Variants in LMNA observed in about 807,000 individuals in gnomAD.
LMNA encodes lamin A/C, also known as lamin.
In LMNA, 20 loss-of-function variants were observed where a neutral mutation model predicts 70.4. That is an observed-to-expected ratio of 0.28 (90% confidence interval 0.20 to 0.41). The LOEUF (loss-of-function observed/expected upper bound fraction) is 0.41. Among genes scored for constraint, LMNA ranks in the 10% least tolerant of loss-of-function variants. The probability of loss-of-function intolerance (pLI) is 1.00; values close to 1 mark genes in which losing one functional copy is unlikely to be tolerated. For synonymous variants in LMNA, 339 were observed against 372.8 expected, an observed-to-expected ratio of 0.91 and a Z score of 1.04; for missense variants, 652 against 917.2, an observed-to-expected ratio of 0.71 and a Z score of 3.73.
intron 3 of LMNA, among the ~76,000 whole-genome samples, chr1:156,093,299 ATTTTTTTTTTTTT>A (rs758670532): frequency 1.8e-5 from 2 of 113,946 alleles, no homozygotes; most frequent in South Asian, 2.7e-4. Flanking sequence ...TTATATGTCA[ATTTTTTTTTTTTT>A]TTTTTTTTTT....
In LMNA at chr1:156,137,026, A is replaced by T. The variant is rs1651703465; in HGVS notation, c.1486A>T (p.Thr496Ser). Reference protein sequence around the residue: ...KFTLKAGQVVTIWAAGAGATH... With the variant: ...KFTLKAGQVVSIWAAGAGATH... The stretch of plus-strand genomic sequence containing the variant: ...CACCCTGAAGGCTGGGCAGGTGGTG[A>T]CGGTGAGTGGCAGGGCGCTTGGGAC... Residue 496 changes from threonine to serine, a missense_variant and splice_region_variant, in exon 8 of 12, where the codon ACG becomes TCG. Transcript: ENST00000368300. This position sits in a 1 kb window ranked among gnomAD's most constrained non-coding sequence, Gnocchi z 4.6. 3.1e-6 allele frequency: 5 copies of T among 1,614,150 alleles called. No individual in the cohort carries two copies. The East Asian group carries it at 1.1e-4, about 36-fold the overall frequency.
At chr1:156,127,509 G>GTT (rs1170940332) in intron 1 of LMNA, among the ~76,000 whole-genome samples, 1,387 of 84,490 alleles carry the variant, frequency 0.016, 217 homozygotes, top group Admixed American at 0.023. Context: ...CCCCCTTACT[G>GTT]TTTTTTTTTT....
At chr1:156,100,295 C>T (rs1649097580) in intron 3 of LMNA, among the ~76,000 whole-genome samples, 1 of 152,144 alleles carries the variant, frequency 6.6e-6, no homozygotes, top group Admixed American at 6.5e-5. Flanking sequence ...TTGTTCCTTC[C>T]CTTGAAAAAC....
rs1453876156 is a variant in LMNA, at chr1:156,117,770, T to C, written c.356+2496T>C. Among the ~76,000 whole-genome samples the C allele has an allele frequency of 2.6e-5, 4 of 152,154 alleles. No individual in the cohort carries two copies. In the East Asian group the frequency reaches 5.8e-4, roughly 22 times the overall value. On this transcript the variant is annotated intron_variant, in intron 1 of 11. Coordinates refer to ENST00000368300, the MANE Select transcript of LMNA (RefSeq NM_170707.4). ...TCTTGAACTCCTGGGTTCATTCTGCTGAAAGAGACCACACCTGTCCTTTTC... is the reference window on the plus strand; with the variant it reads ...TCTTGAACTCCTGGGTTCATTCTGCCGAAAGAGACCACACCTGTCCTTTTC...
chr1:156,101,738 C>T (rs529699023), intron 3 of LMNA, among the ~76,000 whole-genome samples: 1 of 152,040 alleles, frequency 6.6e-6, no homozygotes, highest in Non-Finnish European at 1.5e-5. Flanking sequence ...GGCAGAGAGA[C>T]TGGTTGTGAG....
chr1:156,127,410 G>A (rs554735379), intron 1 of LMNA, among the ~76,000 whole-genome samples: 5 of 151,288 alleles, frequency 3.3e-5, no homozygotes, highest in African/African-American at 4.9e-5. Flanking sequence ...TCTGCTCGTG[G>A]TTTTTCTCAT....
At chr1:156,098,207 G>C (rs1012613709) in intron 3 of LMNA, among the ~76,000 whole-genome samples, 1 of 152,218 alleles carries the variant, frequency 6.6e-6, no homozygotes, top group Non-Finnish European at 1.5e-5. Flanking sequence ...ATGGAGGTTG[G>C]AAAGACCTTA....
intron 1 of LMNA, among the ~76,000 whole-genome samples, chr1:156,117,969 A>ATTTTT (rs1186679791): frequency 1.1e-4 from 10 of 91,894 alleles, no homozygotes; most frequent in African/African-American, 2.2e-4. Flanking sequence ...CGCTTGGCTA[A>ATTTTT]TTTTTTTTTT....
At position 156,138,702 on chromosome 1, in the gene LMNA, G is replaced by C; in HGVS notation, c.1913G>C (p.Gly638Ala). 6.2e-7 allele frequency: 1 copy of C among 1,613,354 alleles called. No individual in the cohort carries two copies. The highest frequency in any genetic ancestry group is 1.3e-5 in the African/African-American group (1 of 74,938). Reference sequence around the variant, plus strand: ...GGGGGCAGTGGGGGTGGCAGCTTCGGGGACAATCTGGTCACCCGCTCCTAC... The same window carrying C: ...GGGGGCAGTGGGGGTGGCAGCTTCGCGGACAATCTGGTCACCCGCTCCTAC... ...SVGGSGGGSFGDNLVTRSYLL... is the reference protein window; with the variant it reads ...SVGGSGGGSFADNLVTRSYLL... Residue 638 changes from glycine (G) to alanine (A), a missense_variant, in exon 11 of 12, where the codon GGG (glycine) becomes GCG (alanine). Physicochemically the swap from Gly to Ala is moderately conservative, Grantham distance 60. Transcript: ENST00000368300. This position sits in a 1 kb window ranked among gnomAD's most constrained non-coding sequence, Gnocchi z 5.5.
chr1:156,138,145 G>C lies in LMNA; in HGVS notation c.1699-343G>C. 3 of 532,502 alleles carry C rather than the reference G, an allele frequency of 5.6e-6. No individual in the cohort carries two copies. Among genetic ancestry groups the C allele is most frequent in the Non-Finnish European group, 1.0e-5 (3 of 295,546 alleles). 33.0% of individuals were successfully genotyped at this position (532,502 alleles called of 1,614,324 possible). A position where few individuals can be genotyped will look rare whatever the true frequency, so the allele number is the denominator to read the frequency against. ...TGCAAGAATGTTCTCTCTCATTCCT[G>C]ACCGCCCCTCCACTCCAATTAATAG... On this transcript the variant is annotated intron_variant, in intron 10 of 11. Transcript: ENST00000368300. This position sits in a 1 kb window ranked among gnomAD's most constrained non-coding sequence, Gnocchi z 5.5.
chr1:156,115,374 G>C lies in LMNA; in HGVS notation c.356+100G>C. On this transcript the variant is annotated intron_variant, in intron 1 of 11. Coordinates refer to ENST00000368300, the MANE Select transcript of LMNA (RefSeq NM_170707.4). This position sits in a 1 kb window ranked among gnomAD's most constrained non-coding sequence, Gnocchi z 5.8. ...AGGAAGGGAGTGAGAGGGCCTGGAG[G>C]CCGATAACTTTGCCATAGTCTCCTC... The C allele has an allele frequency of 9.0e-7, 1 of 1,105,472 alleles. No individual in the cohort carries two copies. The allele number at this position is 1,105,472 out of a possible 1,614,324, so 68.5% of individuals were successfully genotyped here. A position where few individuals can be genotyped will look rare whatever the true frequency, so the allele number is the denominator to read the frequency against.
At chr1:156,108,045 G>A (rs1374680055) in intron 3 of LMNA, among the ~76,000 whole-genome samples, 3 of 152,058 alleles carry the variant, frequency 2.0e-5, no homozygotes, top group African/African-American at 7.2e-5. Flanking sequence ...GAGATTACAG[G>A]TGTGAGCCAC....
Position 156,139,076 on chromosome 1 carries a change from T to C in LMNA, c.1969-4T>C, listed in dbSNP as rs751715969. ...ACACCTCTCTCCTCTGTTTTCTCTC[T>C]TAGAGCCCCCAGAACTGCAGCATCA... On this transcript the variant is annotated splice_polypyrimidine_tract_variant and splice_region_variant and intron_variant, in intron 11 of 11. Coordinates refer to ENST00000368300, the MANE Select transcript of LMNA (RefSeq NM_170707.4). 5.6e-6 allele frequency: 9 copies of C among 1,613,766 alleles called. No homozygotes were observed. Among genetic ancestry groups the C allele is most frequent in the Non-Finnish European group, 7.6e-6 (9 of 1,179,912 alleles).
chr1:156,126,510 C>G, intron 1 of LMNA: 2 of 682,654 alleles, frequency 2.9e-6, no homozygotes, highest in Non-Finnish European at 5.4e-6. Flanking sequence ...GCGCCTGGCC[C>G]GGTGCCCACC....
In LMNA at chr1:156,139,836, C is replaced by G; in HGVS notation, c.*730C>G. 1 of 1,522,410 alleles carries G rather than the reference C, an allele frequency of 6.6e-7. No individual in the cohort carries two copies. The highest frequency in any genetic ancestry group is 2.5e-5 in the East Asian group (1 of 40,712). The allele number at this position is 1,522,410 out of a possible 1,614,324, so 94.3% of individuals were successfully genotyped here. A position where few individuals can be genotyped will look rare whatever the true frequency, so the allele number is the denominator to read the frequency against. On this transcript the variant is annotated 3_prime_UTR_variant, in exon 12 of 12. Transcript: ENST00000368300. Reference sequence around the variant, plus strand: ...GAAAGGTGAGTTTGAGCTGCCTTCCCTAGCTTTAGACCCTGGGTGGGCTCT... The same window carrying G: ...GAAAGGTGAGTTTGAGCTGCCTTCCGTAGCTTTAGACCCTGGGTGGGCTCT...
chr1:156,096,210 C>T (rs1346576131), intron 3 of LMNA, among the ~76,000 whole-genome samples: 1 of 152,176 alleles, frequency 6.6e-6, no homozygotes, highest in African/African-American at 2.4e-5. Context: ...CAGGGGCTCC[C>T]CCTTCCGTTT....
At position 156,134,770 on chromosome 1, in the gene LMNA, T is replaced by A. The variant is rs2102880290; in HGVS notation, c.640-35T>A. ...TTGGCCTCCCAGGAACTAATTCTGATTTTGGTTTCTGTGTCCTTCCTCCAA... is the reference window on the plus strand; with the variant it reads ...TTGGCCTCCCAGGAACTAATTCTGAATTTGGTTTCTGTGTCCTTCCTCCAA... On this transcript the variant is annotated intron_variant, in intron 3 of 11. Transcript: ENST00000368300. The surrounding 1 kb of genome is among the most constrained non-coding windows in gnomAD (Gnocchi z 5.3). 6.2e-7 allele frequency: 1 copy of A among 1,613,664 alleles called. No homozygotes were observed. Among genetic ancestry groups the A allele is most frequent in the Non-Finnish European group, 8.5e-7 (1 of 1,179,742 alleles).
intron 2 of LMNA, among the ~76,000 whole-genome samples, chr1:156,089,130 C>A (rs1166382757): frequency 6.6e-6 from 1 of 151,972 alleles, no homozygotes; most frequent in African/African-American, 2.4e-5. Context: ...GGCATGCGCA[C>A]CCTGCCTGGC....
At chr1:156,110,466 C>T (rs1308626759), upstream of LMNA, among the ~76,000 whole-genome samples, 1 of 152,230 alleles carries the variant, frequency 6.6e-6, no homozygotes, top group Non-Finnish European at 1.5e-5. Context: ...CCCCATTTTA[C>T]AGATGATGAA....
Sources: gnomAD v4.1 joint callset for allele counts (sites outside exome capture counted in the v4.1 genomes callset) on GRCh38, gnomAD v4.1.1 for gene constraint, Gnocchi (gnomAD v3.1) non-coding constraint, MANE v1.5 for transcripts, NCBI Gene and HGNC (gene_info 2026-07-23, HGNC 2026-07-21) for gene names.